Variants in CFAP299 observed in about 807,000 individuals in gnomAD.
CFAP299 encodes the protein cilia and flagella associated protein 299.
A neutral mutation model predicts 27.0 loss-of-function variants in CFAP299; 21 were observed. The ratio of observed to expected loss-of-function variants is 0.78; its 90% CI spans 0.55 to 1.12. The LOEUF (loss-of-function observed/expected upper bound fraction) is 1.12, where lower values mean the gene tolerates loss of function less well. CFAP299 is among the 50% of genes most tolerant of loss of function. The pLI is 0.00. For missense variants in CFAP299, 310 were observed against 276.6 expected (o/e 1.12, Z -0.86); for synonymous variants, 104 against 98.1 (o/e 1.06, Z -0.36).
At chr4:80,728,115 A>G (rs1299517759) in intron 3 of CFAP299, among the ~76,000 whole-genome samples, 1 of 151,546 alleles carries the variant, frequency 6.6e-6, no homozygotes, top group Non-Finnish European at 1.5e-5. Flanking sequence ...ACTGGGTTGG[A>G]AAAGAAATGA....
intron 3 of CFAP299, among the ~76,000 whole-genome samples, chr4:80,826,460 AG>A (rs1269466694): frequency 6.6e-6 from 1 of 151,808 alleles, no homozygotes; most frequent in African/African-American, 2.4e-5. Flanking sequence ...AAAGGTTATG[AG>A]GAACAGGAAG....
the CFAP299 span, among the ~76,000 whole-genome samples, chr4:80,321,562 C>T: frequency 1.3e-5 from 2 of 152,148 alleles, no homozygotes; most frequent in Non-Finnish European, 2.9e-5. Context: ...GGCCGCTCCC[C>T]CATCGCCACA....
intron 4 of CFAP299, among the ~76,000 whole-genome samples, chr4:80,918,640 A>G (rs947138855): frequency 9.2e-5 from 14 of 152,132 alleles, no homozygotes; most frequent in Non-Finnish European, 1.9e-4. Context: ...TACTGGTTTT[A>G]TGTAAAAAAA....
intron 2 of CFAP299, among the ~76,000 whole-genome samples, chr4:80,558,366 G>T (rs6535005): frequency 0.89 from 114,875 of 129,016 alleles, 50,528 homozygotes; most frequent in Non-Finnish European, 0.93. Context: ...TTGTTTGTTT[G>T]TTTTTTTTTT....
At chr4:80,422,300 TC>T (rs1727321297) in intron 2 of CFAP299, among the ~76,000 whole-genome samples, 2 of 152,058 alleles carry the variant, frequency 1.3e-5, no homozygotes, top group African/African-American at 4.8e-5. Flanking sequence ...GAAGCAGACC[TC>T]TGTAGTTTAT....
intron 3 of CFAP299, among the ~76,000 whole-genome samples, chr4:80,651,704 T>TTA (rs1740308577): frequency 7.2e-6 from 1 of 139,552 alleles, no homozygotes; most frequent in Non-Finnish European, 1.6e-5. Context: ...AGGTATGCAC[T>TTA]TGTGTGTGTG....
intron 3 of CFAP299, among the ~76,000 whole-genome samples, chr4:80,631,372 C>G (rs1357148126): frequency 1.3e-5 from 2 of 151,764 alleles, no homozygotes; most frequent in African/African-American, 4.8e-5. Flanking sequence ...TGAACAGATA[C>G]CTACATAAAC....
chr4:80,645,458 C>T (rs572365747), intron 3 of CFAP299, among the ~76,000 whole-genome samples: 1 of 152,230 alleles, frequency 6.6e-6, no homozygotes, highest in South Asian at 2.1e-4. Context: ...AATAAAATAT[C>T]TGTATTCACA....
At chr4:80,665,553 G>T (rs923410351) in intron 3 of CFAP299, among the ~76,000 whole-genome samples, 1 of 151,858 alleles carries the variant, frequency 6.6e-6, no homozygotes, top group Non-Finnish European at 1.5e-5. Flanking sequence ...CTCTAGATGT[G>T]TCTTATTATT....
At chr4:80,455,334 T>A (rs920271530) in intron 2 of CFAP299, among the ~76,000 whole-genome samples, 5 of 152,148 alleles carry the variant, frequency 3.3e-5, no homozygotes, top group African/African-American at 9.7e-5. Flanking sequence ...TTAGGTCAGG[T>A]CTCTTTCACT....
intron 2 of CFAP299, among the ~76,000 whole-genome samples, chr4:80,561,107 C>T (rs1335743041): frequency 6.6e-6 from 1 of 152,044 alleles, no homozygotes; most frequent in Non-Finnish European, 1.5e-5. Flanking sequence ...TTAGGTGGCT[C>T]AGAACAGAGA....
intron 2 of CFAP299, among the ~76,000 whole-genome samples, chr4:80,476,945 G>A (rs554854652): frequency 1.4e-3 from 181 of 125,542 alleles, no homozygotes; most frequent in African/African-American, 7.1e-3. Flanking sequence ...GTGTGTGTGC[G>A]TGTGTGTGCG....
intron 3 of CFAP299, among the ~76,000 whole-genome samples, chr4:80,869,062 T>C (rs1732923359): frequency 1.3e-5 from 2 of 152,044 alleles, no homozygotes. Context: ...CATGTTCTTG[T>C]TTAAGGAGGC....
chr4:80,532,629 A>G (rs765614173), intron 2 of CFAP299, among the ~76,000 whole-genome samples: 2 of 152,244 alleles, frequency 1.3e-5, no homozygotes, highest in Non-Finnish European at 2.9e-5. Context: ...TAAATGACAT[A>G]CTATAGGTAA....
At chr4:80,493,362 T>C (rs1465607836) in intron 2 of CFAP299, among the ~76,000 whole-genome samples, 1 of 152,228 alleles carries the variant, frequency 6.6e-6, no homozygotes. Flanking sequence ...CCCCTGCTAC[T>C]GTGTCATTCC....
intron 3 of CFAP299, among the ~76,000 whole-genome samples, chr4:80,799,933 T>C (rs1318854937): frequency 2.0e-5 from 1 of 50,002 alleles, no homozygotes; most frequent in Non-Finnish European, 3.3e-5. Flanking sequence ...TATATTTATA[T>C]ATTATATTAT....
At chr4:80,785,532 A>T (rs1433471141) in intron 3 of CFAP299, among the ~76,000 whole-genome samples, 1 of 152,154 alleles carries the variant, frequency 6.6e-6, no homozygotes, top group Admixed American at 6.6e-5. Context: ...AAATGCCCCA[A>T]ACATTTATTT....
chr4:80,332,062 G>A (rs905742193), upstream of CFAP299, among the ~76,000 whole-genome samples: 1 of 152,206 alleles, frequency 6.6e-6, no homozygotes, highest in South Asian at 2.1e-4. Context: ...GAAGCTAAAA[G>A]AGAATCTCGA....
intron 2 of CFAP299, among the ~76,000 whole-genome samples, chr4:80,501,737 C>T (rs1432106328): frequency 6.6e-6 from 1 of 151,476 alleles, no homozygotes. Context: ...AAGATGTCAC[C>T]ATTTTTGATA....
Sources: allele counts gnomAD v4.1 joint callset (sites outside exome capture counted in the v4.1 genomes callset), GRCh38; gene constraint gnomAD v4.1.1; transcripts MANE v1.5; gene names NCBI Gene and HGNC (gene_info 2026-07-23, HGNC 2026-07-21).